Variants in PTCH1 observed in about 807,000 individuals in gnomAD.
PTCH1 encodes the protein protein patched homolog 1.
A neutral mutation model predicts 144.6 loss-of-function variants in PTCH1; 14 were observed. The observed-to-expected ratio is 0.10, with a 90% CI of 0.06 to 0.15. The LOEUF (loss-of-function observed/expected upper bound fraction) is 0.15, where lower values mean the gene tolerates loss of function less well. Ranked by LOEUF, PTCH1 falls within the 10% of genes least tolerant of loss-of-function variation. PTCH1 has a pLI of 1.00. For missense variants in PTCH1, 1,623 were observed against 1,948.3 expected (o/e 0.83, Z 3.14); for synonymous variants, 833 against 793.6 (o/e 1.05, Z -0.83).
intron 15 of PTCH1, among the ~76,000 whole-genome samples, chr9:95,465,351 A>G (rs1165986820): frequency 6.6e-6 from 1 of 152,132 alleles, no homozygotes; most frequent in East Asian, 1.9e-4. Context: ...CAAGTTATTT[A>G]TATGTCTTTG....
intron 2 of PTCH1, among the ~76,000 whole-genome samples, chr9:95,504,875 C>G (rs1843440483): frequency 6.6e-6 from 1 of 152,180 alleles, no homozygotes; most frequent in Non-Finnish European, 1.5e-5. Flanking sequence ...ACTTGAGTCT[C>G]TTATGGTGCT....
At chr9:95,498,285 T>C (rs1202159465) in intron 2 of PTCH1, among the ~76,000 whole-genome samples, 1 of 152,192 alleles carries the variant, frequency 6.6e-6, no homozygotes, top group Non-Finnish European at 1.5e-5. Flanking sequence ...GCAGTGGCAT[T>C]ATGGGACCCA....
At chr9:95,474,219 C>A in intron 12 of PTCH1, 2 of 323,196 alleles carry the variant, frequency 6.2e-6, no homozygotes, top group South Asian at 2.7e-5. Context: ...AGACAGTGAG[C>A]AAAAAGGCAA....
intron 13 of PTCH1, 37 bp downstream of exon 13, chr9:95,469,776 C>T (rs1840394983): frequency 5.2e-6 from 8 of 1,542,326 alleles, no homozygotes; most frequent in Non-Finnish European, 7.2e-6. Flanking sequence ...CACCATTCTG[C>T]ACCCAATCAA....
chr9:95,506,267 A>C, intron 2 of PTCH1, 140 bp downstream of exon 2: 4 of 984,770 alleles, frequency 4.1e-6, no homozygotes, highest in East Asian at 3.0e-5. Context: ...CCAGGCGCCC[A>C]AACAATAAAC....
chr9:95,459,823 T>C, intron 16 of PTCH1, 40 bp from the exon 17 acceptor site: 1 of 1,607,588 alleles, frequency 6.2e-7, no homozygotes, highest in Non-Finnish European at 8.5e-7. Flanking sequence ...GAGAATGGGG[T>C]TGGGGGTAAA....
intron 15 of PTCH1, among the ~76,000 whole-genome samples, chr9:95,465,720 A>C (rs1314940478): frequency 6.6e-6 from 1 of 152,216 alleles, no homozygotes; most frequent in Non-Finnish European, 1.5e-5. Flanking sequence ...AGACCAAAAA[A>C]GGCACTTACA....
chr9:95,457,425 T>C (rs1305827685), intron 18 of PTCH1, among the ~76,000 whole-genome samples: 1 of 152,236 alleles, frequency 6.6e-6, no homozygotes, highest in African/African-American at 2.4e-5. Flanking sequence ...TTAAAGGCTA[T>C]ACCATAGTTC....
rs587780707 is a variant in PTCH1 at position 95,485,769 on chromosome 9, G to T, written c.500C>A (p.Ala167Asp). 2 of 1,614,188 alleles carry T rather than the reference G, an allele frequency of 1.2e-6. No individual in the cohort carries two copies. Among genetic ancestry groups the T allele is most frequent in the East Asian group, 4.5e-5 (2 of 44,886 alleles). The change falls in exon 3 of 24, where the codon GCT (alanine) becomes GAT (aspartate). Residue 167 changes from alanine (A) to aspartate (D), a missense_variant. This residue lies in a region of PTCH1 where 245 missense variants were observed against 240.6 expected (regional missense o/e 1.02). Transcript: ENST00000331920. Reference sequence around the variant, plus strand: ...GAGCGCTTCTGTGGTCAGGACATTAGCACCTTCTTCTTTAGGGGTCTGTAT... The same window carrying T: ...GAGCGCTTCTGTGGTCAGGACATTATCACCTTCTTCTTTAGGGGTCTGTAT... The part of the protein sequence containing the change: ...LMIQTPKEEG[A>D]NVLTTEALLQ...
In PTCH1 at chr9:95,447,223, G is replaced by A. The variant is rs556901417; in HGVS notation, c.4033C>T (p.Arg1345Cys). ...NRARWGPRGA[R>C]SHNPRNPAST... ...GCTGGGTTCCGAGGGTTGTGAGAACGGGCCCCGCGAGGGCCCCAGCGGGCC... is the reference window on the plus strand; with the variant it reads ...GCTGGGTTCCGAGGGTTGTGAGAACAGGCCCCGCGAGGGCCCCAGCGGGCC... The change falls in exon 23 of 24, where the codon CGT (arginine) becomes TGT (cysteine). Residue 1345 changes from arginine (R) to cysteine (C), a missense_variant. Coordinates refer to ENST00000331920, the MANE Select transcript of PTCH1 (RefSeq NM_000264.5). The A allele has an allele frequency of 7.5e-5, 121 of 1,611,462 alleles. No homozygotes were observed. The highest frequency in any genetic ancestry group is 1.2e-4 in the Admixed American group (7 of 60,018).
At chr9:95,461,513 A>G (rs1393739768) in intron 16 of PTCH1, among the ~76,000 whole-genome samples, 2 of 152,232 alleles carry the variant, frequency 1.3e-5, no homozygotes, top group African/African-American at 2.4e-5. Context: ...CCAACAAGGT[A>G]CCGAGTCCTA....
intron 7 of PTCH1, 42 bp downstream of exon 7, chr9:95,479,924 GGAA>G (rs758809022): frequency 6.2e-7 from 1 of 1,614,084 alleles, no homozygotes; most frequent in South Asian, 1.1e-5. Context: ...TTTGAGGAAA[GGAA>G]GAAGACTACA....
At chr9:95,516,762 T>G (rs1414664530) in exon 1 of PTCH1, 1 of 1,613,240 alleles carries the variant, frequency 6.2e-7, no homozygotes, top group Admixed American at 1.7e-5. Flanking sequence ...GCCGGAGGCT[T>G]TCGGCGGAGT....
At chr9:95,508,039 G>GT (rs1843865010) in intron 1 of PTCH1, 122 bp downstream of exon 1, 1 of 880,526 alleles carries the variant, frequency 1.1e-6, no homozygotes, top group African/African-American at 3.1e-5. Context: ...AGAGGTGTGA[G>GT]TGAGTGTGTG....
chr9:95,482,441 A>G (rs967288354), intron 3 of PTCH1: 76 of 563,102 alleles, frequency 1.3e-4, no homozygotes, highest in Non-Finnish European at 2.3e-4. Context: ...AAAGTACTTG[A>G]AAAGTCTTGT....
intron 1 of PTCH1, chr9:95,507,722 A>C (rs1587698127): frequency 5.5e-6 from 1 of 183,020 alleles, no homozygotes; most frequent in Non-Finnish European, 1.0e-5. Flanking sequence ...CTCCCCCTCC[A>C]AGATGTTAAG....
rs375998275 is a variant in PTCH1, at chr9:95,447,301, G to A, written c.3955C>T (p.Arg1319Cys). The A allele has an allele frequency of 6.1e-5, 98 of 1,613,018 alleles. No homozygotes were observed. Among genetic ancestry groups the A allele is most frequent in the African/African-American group, 1.1e-4 (8 of 74,938 alleles). ...GTAGAAATTTCAAAAGCGTCTCTGCGCGGTCTGTAGGGGGGTGGCCACAAG... is the reference window on the plus strand; with the variant it reads ...GTAGAAATTTCAAAAGCGTCTCTGCACGGTCTGTAGGGGGGTGGCCACAAG... ...EGLWPPPYRP[R>C]RDAFEISTEG... The change falls in exon 23 of 24, where the codon CGC (arginine) becomes TGC (cysteine). Residue 1319 changes from arginine (R) to cysteine (C), a missense_variant. Transcript: ENST00000331920.
rs45617132 is a variant in PTCH1 at position 95,456,621 on chromosome 9, T to C, written c.3169-208A>G. On this transcript the variant is annotated intron_variant, in intron 18 of 23. Coordinates refer to ENST00000331920, the MANE Select transcript of PTCH1 (RefSeq NM_000264.5). ...GTGGGACAGCTGATGTGTAAAGCTGTAGAAGGCAAAGTAGAGTGTTCTAAT... is the reference window on the plus strand; with the variant it reads ...GTGGGACAGCTGATGTGTAAAGCTGCAGAAGGCAAAGTAGAGTGTTCTAAT... Among the ~76,000 whole-genome samples the C allele has an allele frequency of 9.8e-4, 149 of 152,304 alleles. 1 individual carries two copies. The highest frequency in any genetic ancestry group is 3.4e-3 in the Middle Eastern group (1 of 294).
chr9:95,447,645 G>A (rs1213506418), intron 22 of PTCH1, among the ~76,000 whole-genome samples, 194 bp from the exon 23 acceptor site: 1 of 152,348 alleles, frequency 6.6e-6, no homozygotes, highest in Admixed American at 6.5e-5. Context: ...CGTGTTGTTT[G>A]AAAATCCTGT....
Sources: allele counts gnomAD v4.1 joint callset (sites outside exome capture counted in the v4.1 genomes callset), GRCh38; gene constraint gnomAD v4.1.1; regional missense constraint gnomAD v4.1.1; transcripts MANE v1.5; gene names NCBI Gene and HGNC (gene_info 2026-07-23, HGNC 2026-07-21).